The following GPC3 variants were observed in gnomAD, a reference collection of about 807,000 sequenced individuals.
The protein encoded by GPC3 is glypican-3.
GPC3 carries 3 observed loss-of-function variants against 34.4 expected under a neutral mutation model. The ratio of observed to expected loss-of-function variants is 0.09; its 90% CI spans 0.04 to 0.23. GPC3 has a LOEUF of 0.23. GPC3 is among the 10% of genes least tolerant of loss of function. The pLI is 1.00. For missense variants in GPC3, 351 were observed against 445.6 expected (o/e 0.79, Z 1.91); for synonymous variants, 177 against 174.0 (o/e 1.02, Z -0.13).
intron 2 of GPC3, among the ~76,000 whole-genome samples, chrX:133,922,518 C>T (rs1304148979): frequency 9.0e-6 from 1 of 111,647 alleles, no homozygotes; most frequent in Non-Finnish European, 1.9e-5. Context: ...CAGCTGTGCA[C>T]AGGTGGCAGA....
At chrX:133,779,262 T>C (rs1046195573) in intron 2 of GPC3, among the ~76,000 whole-genome samples, 3 of 112,914 alleles carry the variant, frequency 2.7e-5, no homozygotes, top group African/African-American at 9.7e-5. Context: ...TTTGCATCAC[T>C]GCAAATTGTC....
At chrX:133,946,032 A>T (rs1301290730) in intron 2 of GPC3, among the ~76,000 whole-genome samples, 1 of 111,958 alleles carries the variant, frequency 8.9e-6, no homozygotes, top group African/African-American at 3.2e-5. Context: ...TTTGTATACA[A>T]ATGTCCTGGT....
At chrX:133,834,328 T>C (rs755663272) in intron 2 of GPC3, among the ~76,000 whole-genome samples, 7 of 111,558 alleles carry the variant, frequency 6.3e-5, no homozygotes, top group African/African-American at 9.8e-5. Flanking sequence ...AGATAGTACA[T>C]GGAGAAAAAA....
intron 6 of GPC3, among the ~76,000 whole-genome samples, chrX:133,637,703 C>G (rs1009089316): frequency 2.7e-5 from 3 of 111,405 alleles, no homozygotes; most frequent in Admixed American, 1.9e-4. Context: ...AGTGCAGTGG[C>G]TTGATCACGG....
intron 2 of GPC3, among the ~76,000 whole-genome samples, chrX:133,802,949 T>C (rs1320594632): frequency 4.0e-4 from 41 of 103,563 alleles, no homozygotes; most frequent in Non-Finnish European, 7.1e-4. Flanking sequence ...AGACAGAGTT[T>C]CACTCTTGTT....
intron 7 of GPC3, among the ~76,000 whole-genome samples, chrX:133,540,535 A>G: frequency 9.0e-6 from 1 of 111,107 alleles, no homozygotes; most frequent in Admixed American, 9.6e-5. Context: ...GACATAATAG[A>G]CACTGGGGAC....
At chrX:133,863,977 A>G (rs748135739) in intron 2 of GPC3, among the ~76,000 whole-genome samples, 2 of 111,804 alleles carry the variant, frequency 1.8e-5, no homozygotes, top group African/African-American at 6.5e-5. Flanking sequence ...AAGAGAGATA[A>G]CACACTACGC....
rs753179500 is a variant in GPC3 at position 133,897,058 on chromosome X, A to C, written c.337+55992T>G. Among the ~76,000 whole-genome samples the C allele has an allele frequency of 7.2e-4, 78 of 108,080 alleles. 1 individual carries two copies. Among genetic ancestry groups the C allele is most frequent in the African/African-American group, 1.0e-3 (30 of 29,619 alleles). The allele number at this position is 108,080 out of a possible 115,157, so 93.9% of individuals were successfully genotyped here. A position where few individuals can be genotyped will look rare whatever the true frequency, so the allele number is the denominator to read the frequency against. ...AGTAGCTGGGACTACAGGCGCCCAC[A>C]ACCACGCCCAGCTAATTTTTTGTAT... On this transcript the variant is annotated intron_variant, in intron 2 of 7. Transcript: ENST00000370818.
At chrX:133,876,266 C>T (rs2076016892) in intron 2 of GPC3, among the ~76,000 whole-genome samples, 1 of 111,989 alleles carries the variant, frequency 8.9e-6, no homozygotes, top group Non-Finnish European at 1.9e-5. Flanking sequence ...TGGCCTAAAA[C>T]AGAATACGGA....
Position 133,699,997 on chromosome X carries a change from CGTT to C in GPC3, c.1061_1063del (p.Gln354del), listed in dbSNP as rs1569416621. 1 of 1,191,180 alleles carries C rather than the reference CGTT, an allele frequency of 8.4e-7. No individual in the cohort carries two copies. On this transcript the variant is annotated inframe_deletion, in exon 4 of 8. Coordinates refer to ENST00000370818, the MANE Select transcript of GPC3 (RefSeq NM_004484.4). ...AGGATAATAAGCAGATCTATATTGG[CGTT>C]GTTGAGAATGGGCACATAACTTGCC...
intron 3 of GPC3, among the ~76,000 whole-genome samples, chrX:133,738,431 G>C (rs1046592984): frequency 1.8e-5 from 2 of 111,920 alleles, no homozygotes; most frequent in African/African-American, 6.5e-5. Context: ...TTAGTAGGCA[G>C]GATAGATAAG....
intron 6 of GPC3, among the ~76,000 whole-genome samples, chrX:133,610,235 G>A (rs2070095752): frequency 9.0e-6 from 1 of 111,403 alleles, no homozygotes; most frequent in Admixed American, 9.6e-5. Flanking sequence ...GGTGGATAGG[G>A]TGTGCACATT....
chrX:133,606,147 T>G (rs1324396108), intron 6 of GPC3, among the ~76,000 whole-genome samples: 1 of 112,491 alleles, frequency 8.9e-6, no homozygotes, highest in African/African-American at 3.2e-5. Flanking sequence ...AACACCAGGA[T>G]GTGAAGAAGC....
intron 7 of GPC3, among the ~76,000 whole-genome samples, chrX:133,592,626 T>C (rs765511966): frequency 9.0e-6 from 1 of 110,966 alleles, no homozygotes; most frequent in South Asian, 3.9e-4. Context: ...GTAGACTGTT[T>C]CATGAAAGCA....
At chrX:133,750,932 G>T (rs2071661693) in intron 3 of GPC3, among the ~76,000 whole-genome samples, 3 of 109,264 alleles carry the variant, frequency 2.7e-5, no homozygotes, top group South Asian at 8.3e-4. Context: ...AATTAGCCAG[G>T]CATGGTGGCA....
At chrX:133,749,240 G>A (rs2071637891) in intron 3 of GPC3, among the ~76,000 whole-genome samples, 1 of 112,132 alleles carries the variant, frequency 8.9e-6, no homozygotes, top group Admixed American at 9.4e-5. Flanking sequence ...CAGCCTGGGT[G>A]ACAGAGTGAG....
intron 1 of GPC3, among the ~76,000 whole-genome samples, chrX:133,981,719 G>A (rs777515603): frequency 9.8e-5 from 11 of 112,055 alleles, no homozygotes; most frequent in South Asian, 7.4e-4. Flanking sequence ...ACCCAGATAC[G>A]GAGGCTAGTT....
intron 2 of GPC3, among the ~76,000 whole-genome samples, chrX:133,834,672 G>A (rs1455715309): frequency 8.9e-6 from 1 of 111,818 alleles, no homozygotes; most frequent in Non-Finnish European, 1.9e-5. Flanking sequence ...CACATATCAG[G>A]ACTGTATTAT....
At chrX:133,851,264 C>G (rs972591670) in intron 2 of GPC3, among the ~76,000 whole-genome samples, 3 of 112,150 alleles carry the variant, frequency 2.7e-5, no homozygotes, top group Non-Finnish European at 5.6e-5. Context: ...ATGGATACTT[C>G]TCAAATGTAA....
Sources: gnomAD v4.1 joint callset for allele counts (sites outside exome capture counted in the v4.1 genomes callset) on GRCh38, gnomAD v4.1.1 for gene constraint, MANE v1.5 for transcripts, NCBI Gene and HGNC (gene_info 2026-07-23, HGNC 2026-07-21) for gene names.